Variants in NEFH observed in about 807,000 individuals in gnomAD.
NEFH encodes neurofilament heavy chain.
In NEFH, 58 loss-of-function variants were observed where a neutral mutation model predicts 56.6. The ratio of observed to expected loss-of-function variants is 1.03; its 90% CI spans 0.83 to 1.28. The LOEUF (loss-of-function observed/expected upper bound fraction) is 1.28. NEFH is among the 50% of genes most tolerant of loss of function. The pLI is 0.00. For synonymous variants in NEFH, 542 were observed against 545.8 expected (o/e 0.99, Z 0.10); for missense variants, 1,221 against 1,307.6 (o/e 0.93, Z 1.02).
chr22:29,488,429 G>T (rs1399582340), intron 3 of NEFH, among the ~76,000 whole-genome samples: 2 of 152,098 alleles, frequency 1.3e-5, no homozygotes, highest in Non-Finnish European at 2.9e-5. Context: ...GGCTCCCAGG[G>T]TTCTCTTGAA....
In NEFH at chr22:29,481,132, G is replaced by A. The variant is rs1292771703; in HGVS notation, c.870G>A (p.Glu290=). Residue 290 remains glutamate (E), a synonymous_variant, in exon 1 of 4, where the codon GAG becomes GAA. Transcript: ENST00000310624. ...CGGTGCAGAGCACGCTGCAGTCCGAGGAGTGGTTCCGAGGTACGCAGGCGC... is the reference window on the plus strand; with the variant it reads ...CGGTGCAGAGCACGCTGCAGTCCGAAGAGTGGTTCCGAGGTACGCAGGCGC... ...GHAVQSTLQS[E]EWFRVRLDRL... The A allele has an allele frequency of 2.6e-6, 4 of 1,532,320 alleles. No individual in the cohort carries two copies. Among genetic ancestry groups the A allele is most frequent in the Non-Finnish European group, 3.5e-6 (4 of 1,145,992 alleles). The allele number at this position is 1,532,320 out of a possible 1,614,324, so 94.9% of individuals were successfully genotyped here.
intron 2 of NEFH, 74 bp downstream of exon 2, chr22:29,483,648 C>A: frequency 1.4e-6 from 2 of 1,454,010 alleles, no homozygotes; most frequent in Middle Eastern, 4.7e-4. Flanking sequence ...CTGTCCCTCA[C>A]TGAGTGGGGT....
rs187773204 is a variant in NEFH, at chr22:29,490,534, C to T, written c.2894C>T (p.Pro965Leu). 1.1e-5 allele frequency: 18 copies of T among 1,605,408 alleles called. No individual in the cohort carries two copies. The African/African-American group carries it at 2.3e-4, about 20-fold the overall frequency. The change falls in exon 4 of 4, where the codon CCT becomes CTT. Residue 965 changes from proline to leucine, a missense_variant. This residue lies in a region of NEFH where 301 missense variants were observed against 346.6 expected (regional missense o/e 0.87). Transcript: ENST00000310624. ...ACCAAGGAGGAGAAGGCCAAGAAGCCTGAGGAGAAACCCAAGACAGAGGCC... is the reference window on the plus strand; with the variant it reads ...ACCAAGGAGGAGAAGGCCAAGAAGCTTGAGGAGAAACCCAAGACAGAGGCC... ...KDTKEEKAKK[P>L]EEKPKTEAKA...
rs749060710 is a variant in NEFH, at chr22:29,490,634, C to A, written c.2994C>A (p.Ser998=). The change falls in exon 4 of 4, where the codon TCC becomes TCA. Residue 998 remains serine (S), a synonymous_variant. Coordinates refer to ENST00000310624, the MANE Select transcript of NEFH (RefSeq NM_021076.4). ...AGGCAGAAAAGGCTGAAAAATCCTC[C>A]AGCACAGACCAAAAAGACAGCAAGC... ...KPKAEKAEKS[S]STDQKDSKPP... is the part of the protein sequence containing the mutation. 6.2e-7 allele frequency: 1 copy of A among 1,613,938 alleles called. No individual in the cohort carries two copies. The highest frequency in any genetic ancestry group is 1.3e-5 in the African/African-American group (1 of 74,900).
At position 29,489,978 on chromosome 22, in the gene NEFH, A is replaced by G. The variant is rs1010592768; in HGVS notation, c.2338A>G (p.Lys780Glu). Residue 780 changes from lysine to glutamate, a missense_variant, in exon 4 of 4, where the codon AAA becomes GAA. This residue lies in a region of NEFH where 301 missense variants were observed against 346.6 expected (regional missense o/e 0.87). Coordinates refer to ENST00000310624, the MANE Select transcript of NEFH (RefSeq NM_021076.4). Reference sequence around the variant, plus strand: ...GGAGGAAGCAAGGTCCCCTGCAGACAAATTCCCTGAAAAGGCCAAAAGCCC... The same window carrying G: ...GGAGGAAGCAAGGTCCCCTGCAGACGAATTCCCTGAAAAGGCCAAAAGCCC... ...AKEEARSPADKFPEKAKSPVK... is the reference protein window; with the variant it reads ...AKEEARSPADEFPEKAKSPVK... The G allele has an allele frequency of 1.2e-6, 2 of 1,613,768 alleles. No homozygotes were observed. Among genetic ancestry groups the G allele is most frequent in the Non-Finnish European group, 1.7e-6 (2 of 1,179,944 alleles).
At chr22:29,484,488 A>G (rs904290770) in intron 2 of NEFH, among the ~76,000 whole-genome samples, 1 of 152,114 alleles carries the variant, frequency 6.6e-6, no homozygotes, top group Non-Finnish European at 1.5e-5. Context: ...AAAAAGATAC[A>G]AAAATTAACT....
intron 2 of NEFH, among the ~76,000 whole-genome samples, chr22:29,484,780 G>A (rs2063034516): frequency 6.6e-6 from 1 of 152,014 alleles, no homozygotes; most frequent in Non-Finnish European, 1.5e-5. Context: ...GGACACTGTG[G>A]CACACTGGAG....
Position 29,489,972 on chromosome 22 carries a change from G to A in NEFH, c.2332G>A (p.Ala778Thr), listed in dbSNP as rs779014215. ...TPAKEEARSP[A>T]DKFPEKAKSP... ...AGCGAAGGAGGAAGCAAGGTCCCCT[G>A]CAGACAAATTCCCTGAAAAGGCCAA... Residue 778 changes from alanine (A) to threonine (T), a missense_variant, in exon 4 of 4, where the codon GCA becomes ACA. Coordinates refer to ENST00000310624, the MANE Select transcript of NEFH (RefSeq NM_021076.4). 43 of 1,614,010 alleles carry A rather than the reference G, an allele frequency of 2.7e-5. No individual in the cohort carries two copies. The East Asian group carries it at 9.4e-4, about 35-fold the overall frequency.
In NEFH at chr22:29,481,142, C is replaced by T; in HGVS notation, c.880C>T (p.Arg294Ter). ...CACGCTGCAGTCCGAGGAGTGGTTC[C>T]GAGGTACGCAGGCGCGCGGGTGGGG... Reference protein sequence around the residue: ...QSTLQSEEWFRVRLDRLSEAA... With the variant: ...QSTLQSEEWF Residue 294 changes from arginine to a stop codon, truncating the protein, a stop_gained, in exon 1 of 4, where the codon CGA becomes TGA. Transcript: ENST00000310624. LOFTEE classifies it high-confidence loss of function. The T allele has an allele frequency of 3.9e-6, 6 of 1,528,548 alleles. No individual in the cohort carries two copies. Among genetic ancestry groups the T allele is most frequent in the Non-Finnish European group, 3.5e-6 (4 of 1,144,100 alleles). 94.7% of individuals were successfully genotyped at this position (1,528,548 alleles called of 1,614,324 possible).
Position 29,491,182 on chromosome 22 carries a change from C to G in NEFH, c.*479C>G. 1.1e-5 allele frequency: 3 copies of G among 261,152 alleles called. No homozygotes were observed. The South Asian group carries it at 1.4e-4, about 12-fold the overall frequency. 16.2% of individuals were successfully genotyped at this position (261,152 alleles called of 1,614,324 possible). On this transcript the variant is annotated 3_prime_UTR_variant, in exon 4 of 4. Transcript: ENST00000310624. The stretch of plus-strand genomic sequence containing the variant: ...GAGCTCTCTATTCTGGAAGAGCGGT[C>G]CAGGTGGGGCCGGGGACTGGCCACT...
In NEFH at chr22:29,489,854, C is replaced by T; in HGVS notation, c.2214C>T (p.Ser738=). The T allele has an allele frequency of 6.3e-7, 1 of 1,583,640 alleles. No homozygotes were observed. Among genetic ancestry groups the T allele is most frequent in the Non-Finnish European group, 8.6e-7 (1 of 1,163,118 alleles). The change falls in exon 4 of 4, where the codon TCC becomes TCT. Residue 738 remains serine, a synonymous_variant. Transcript: ENST00000310624. ...EEAKTPEKAK[S]PVKEEAKSPE... ...CAAAGACCCCCGAGAAGGCCAAGTC[C>T]CCAGTGAAGGAAGAAGCTAAGTCCC...
At chr22:29,485,980 A>G in intron 3 of NEFH, 133 bp downstream of exon 3, 2 of 884,638 alleles carry the variant, frequency 2.3e-6, no homozygotes, top group South Asian at 1.4e-5. Flanking sequence ...TTGCGGCAAA[A>G]TAGACAAAAC....
rs940285527 is a variant in NEFH, at chr22:29,490,055, G to A, written c.2415G>A (p.Glu805=). Residue 805 remains glutamate (E), a synonymous_variant, in exon 4 of 4, where the codon GAG becomes GAA. Coordinates refer to ENST00000310624, the MANE Select transcript of NEFH (RefSeq NM_021076.4). Reference sequence around the variant, plus strand: ...AGAAGGCGAAATCTCCCCTGAAGGAGGATGCCAAGGCCCCTGAGAAGGAGA... The same window carrying A: ...AGAAGGCGAAATCTCCCCTGAAGGAAGATGCCAAGGCCCCTGAGAAGGAGA... ...SPEKAKSPLK[E]DAKAPEKEIP... 54 of 1,612,606 alleles carry A rather than the reference G, an allele frequency of 3.3e-5. No individual in the cohort carries two copies. Among genetic ancestry groups the A allele is most frequent in the Non-Finnish European group, 4.4e-5 (52 of 1,179,544 alleles).
At chr22:29,485,689 C>T in intron 2 of NEFH, 34 bp from the exon 3 acceptor site, 1 of 1,607,900 alleles carries the variant, frequency 6.2e-7, no homozygotes, top group Middle Eastern at 1.7e-4. Context: ...CAGACACTGG[C>T]TGGCATGTGA....
Position 29,489,544 on chromosome 22 carries a change from C to T in NEFH, c.1904C>T (p.Pro635Leu), listed in dbSNP as rs142817886. 1.8e-5 allele frequency: 29 copies of T among 1,613,180 alleles called. No homozygotes were observed. The highest frequency in any genetic ancestry group is 1.7e-4 in the African/African-American group (13 of 74,626). Residue 635 changes from proline (P) to leucine (L), a missense_variant, in exon 4 of 4, where the codon CCG becomes CTG. Transcript: ENST00000310624. ...AAATCTCCAGCTGAGGTCAAGTCCCCGGAAAAGGCCAAGTCTCCAACGAAG... is the reference window on the plus strand; with the variant it reads ...AAATCTCCAGCTGAGGTCAAGTCCCTGGAAAAGGCCAAGTCTCCAACGAAG... ...EAKSPAEVKSPEKAKSPTKEE... is the reference protein window; with the variant it reads ...EAKSPAEVKSLEKAKSPTKEE...
rs1569198407 is a variant in NEFH at position 29,490,644 on chromosome 22, CA to C, written c.3009del (p.Asp1004ThrfsTer52). The C allele has an allele frequency of 6.2e-7, 1 of 1,614,050 alleles. No individual in the cohort carries two copies. The highest frequency in any genetic ancestry group is 8.5e-7 in the Non-Finnish European group (1 of 1,180,018). ...GGCTGAAAAATCCTCCAGCACAGAC[CA>C]AAAAGACAGCAAGCCTCCAGAGAAG... is the stretch of plus-strand genomic sequence containing the variant. ...EKAEKSSSTD[Q>X]KDSKPPEKAT... On this transcript the variant is annotated frameshift_variant, in exon 4 of 4. Transcript: ENST00000310624. LOFTEE classifies it high-confidence loss of function.
Position 29,485,777 on chromosome 22 carries a change from G to T in NEFH, c.1138G>T (p.Ala380Ser). 1 of 1,614,158 alleles carries T rather than the reference G, an allele frequency of 6.2e-7. No individual in the cohort carries two copies. Among genetic ancestry groups the T allele is most frequent in the East Asian group, 2.2e-5 (1 of 44,880 alleles). Reference sequence around the variant, plus strand: ...GAGGAACACCAAGTGGGAGATGGCCGCCCAGCTGCGAGAATACCAGGACCT... The same window carrying T: ...GAGGAACACCAAGTGGGAGATGGCCTCCCAGCTGCGAGAATACCAGGACCT... ...ELRNTKWEMA[A>S]QLREYQDLLN... The change falls in exon 3 of 4, where the codon GCC (alanine) becomes TCC (serine). Residue 380 changes from alanine (A) to serine (S), a missense_variant. Around this residue, in one of 4 missense-constraint regions of NEFH, gnomAD observed 243 missense variants for 299.1 expected, o/e 0.81. Transcript: ENST00000310624.
At chr22:29,484,365 C>T (rs959302194) in intron 2 of NEFH, among the ~76,000 whole-genome samples, 1 of 152,072 alleles carries the variant, frequency 6.6e-6, no homozygotes, top group Non-Finnish European at 1.5e-5. Context: ...GGCGGCTGGG[C>T]CTAGTGGCTC....
Position 29,480,334 on chromosome 22 carries a change from C to T in NEFH, c.72C>T (p.Leu24=), listed in dbSNP as rs777104353. 1.3e-6 allele frequency: 2 copies of T among 1,518,284 alleles called. No homozygotes were observed. Among genetic ancestry groups the T allele is most frequent in the South Asian group, 1.2e-5 (1 of 81,736 alleles). 94.1% of individuals were successfully genotyped at this position (1,518,284 alleles called of 1,614,324 possible). ...PFAPLHGGGS[L]HYALARKGGA... ...CGCCGCTGCATGGCGGCGGCAGCCT[C>T]CACTACGCGCTAGCCCGAAAGGGTG... Residue 24 remains leucine (L), a synonymous_variant, in exon 1 of 4, where the codon CTC becomes CTT. Coordinates refer to ENST00000310624, the MANE Select transcript of NEFH (RefSeq NM_021076.4).
Sources: allele counts gnomAD v4.1 joint callset (sites outside exome capture counted in the v4.1 genomes callset), GRCh38; gene constraint gnomAD v4.1.1; regional missense constraint gnomAD v4.1.1; transcripts MANE v1.5; gene names NCBI Gene and HGNC (gene_info 2026-07-23, HGNC 2026-07-21).